NALCN: variants seen among roughly 807,000 people sequenced by gnomAD.
NALCN encodes the protein sodium leak channel, non-selective.
In NALCN, 111 loss-of-function variants were observed where a neutral mutation model predicts 225.3. That is an observed-to-expected ratio of 0.49 (90% CI 0.42 to 0.58). The LOEUF (loss-of-function observed/expected upper bound fraction) is 0.58. NALCN is among the 20% of genes least tolerant of loss of function. The pLI is 0.00. For synonymous variants in NALCN, 764 were observed against 769.0 expected (o/e 0.99, Z 0.11); for missense variants, 1,378 against 2,202.4 (o/e 0.63, Z 7.49).
chr13:101,174,081 G>T (rs2139928745), intron 15 of NALCN, among the ~76,000 whole-genome samples: 1 of 152,182 alleles, frequency 6.6e-6, no homozygotes, highest in African/African-American at 2.4e-5. Context: ...ATGAGAGAAA[G>T]TTAACCAGGA....
At chr13:101,196,933 A>C (rs1566417003) in intron 13 of NALCN, among the ~76,000 whole-genome samples, 1 of 152,070 alleles carries the variant, frequency 6.6e-6, no homozygotes, top group East Asian at 1.9e-4. Flanking sequence ...GTACTCTTGA[A>C]GCTTCTGTTT....
intron 22 of NALCN, 111 bp downstream of exon 22, chr13:101,107,376 G>C: frequency 6.4e-7 from 1 of 1,550,388 alleles, no homozygotes; most frequent in Non-Finnish European, 8.8e-7. Flanking sequence ...TTAGTCCGCA[G>C]TTTATTTTGT....
At chr13:101,394,855 G>A (rs1300807078) in intron 3 of NALCN, among the ~76,000 whole-genome samples, 3 of 152,110 alleles carry the variant, frequency 2.0e-5, no homozygotes, top group African/African-American at 7.2e-5. Flanking sequence ...GTGCTTCTCT[G>A]GGCCAGCCCC....
At chr13:101,119,832 T>C (rs930824915) in intron 18 of NALCN, among the ~76,000 whole-genome samples, 2 of 152,236 alleles carry the variant, frequency 1.3e-5, no homozygotes, top group African/African-American at 4.8e-5. Flanking sequence ...CGGATAACTC[T>C]TAAAAAACAA....
intron 13 of NALCN, among the ~76,000 whole-genome samples, chr13:101,209,576 C>A (rs1345168561): frequency 6.6e-6 from 1 of 152,174 alleles, no homozygotes; most frequent in South Asian, 2.1e-4. Flanking sequence ...ACATTATATT[C>A]TGTTAGAACA....
intron 10 of NALCN, among the ~76,000 whole-genome samples, chr13:101,271,078 G>A (rs2042761058): frequency 6.6e-6 from 1 of 152,174 alleles, no homozygotes; most frequent in Non-Finnish European, 1.5e-5. Flanking sequence ...CAGGAATTTA[G>A]TTTGAGATAA....
At chr13:101,403,552 A>G (rs1391012620) in intron 1 of NALCN, among the ~76,000 whole-genome samples, 2 of 152,238 alleles carry the variant, frequency 1.3e-5, no homozygotes, top group Non-Finnish European at 2.9e-5. Context: ...ATATTTGGGA[A>G]TAAAGATGTG....
intron 3 of NALCN, among the ~76,000 whole-genome samples, chr13:101,382,228 C>T (rs978986927): frequency 5.5e-5 from 8 of 145,288 alleles, no homozygotes; most frequent in Admixed American, 2.2e-4. Flanking sequence ...GAGAGTTCAC[C>T]ATTACAATGA....
intron 15 of NALCN, among the ~76,000 whole-genome samples, chr13:101,154,621 TCTGTGGCC>T (rs2037814982): frequency 6.6e-6 from 1 of 152,208 alleles, no homozygotes; most frequent in Middle Eastern, 3.2e-3. Flanking sequence ...GGCACAACTC[TCTGTGGCC>T]CTGTGGCCTC....
At chr13:101,308,544 C>T (rs1444437929) in intron 7 of NALCN, among the ~76,000 whole-genome samples, 2 of 152,184 alleles carry the variant, frequency 1.3e-5, no homozygotes, top group African/African-American at 4.8e-5. Flanking sequence ...AAGAAATCAA[C>T]TTGTGTCTTG....
intron 34 of NALCN, among the ~76,000 whole-genome samples, chr13:101,080,612 A>C (rs2033571826): frequency 7.9e-6 from 1 of 126,856 alleles, no homozygotes; most frequent in Non-Finnish European, 1.8e-5. Flanking sequence ...TAATTATATA[A>C]TCAATTAAAT....
chr13:101,335,957 A>C (rs1338413516), intron 7 of NALCN, among the ~76,000 whole-genome samples: 2 of 152,152 alleles, frequency 1.3e-5, no homozygotes, highest in Non-Finnish European at 2.9e-5. Flanking sequence ...AACAAAATTC[A>C]ATTTACATCC....
chr13:101,228,128 T>A (rs1169549390), intron 13 of NALCN, among the ~76,000 whole-genome samples: 1 of 152,020 alleles, frequency 6.6e-6, no homozygotes, highest in Non-Finnish European at 1.5e-5. Flanking sequence ...ATTACCTAAA[T>A]GACCAGATGC....
At chr13:101,229,309 C>G in intron 13 of NALCN, 84 bp downstream of exon 13, 1 of 1,233,114 alleles carries the variant, frequency 8.1e-7, no homozygotes. Context: ...TTCTGAATGA[C>G]TAAAGTGAAA....
At chr13:101,337,203 T>A (rs982119382) in intron 7 of NALCN, among the ~76,000 whole-genome samples, 1 of 152,158 alleles carries the variant, frequency 6.6e-6, no homozygotes, top group Non-Finnish European at 1.5e-5. Flanking sequence ...GGGACTAGAC[T>A]TAAAGCCAGA....
chr13:101,178,214 G>A (rs2039041932), intron 14 of NALCN, among the ~76,000 whole-genome samples: 1 of 152,116 alleles, frequency 6.6e-6, no homozygotes, highest in Non-Finnish European at 1.5e-5. Context: ...ATTCTGAGAT[G>A]TTCACCTGCT....
chr13:101,164,843 T>C (rs1204685867), intron 15 of NALCN, among the ~76,000 whole-genome samples: 1 of 152,224 alleles, frequency 6.6e-6, no homozygotes, highest in Non-Finnish European at 1.5e-5. Flanking sequence ...GCTGATCTTT[T>C]GAGATTTACA....
intron 9 of NALCN, among the ~76,000 whole-genome samples, chr13:101,291,629 C>T (rs1362524130): frequency 6.6e-6 from 1 of 152,120 alleles, no homozygotes; most frequent in Non-Finnish European, 1.5e-5. Flanking sequence ...CTCACTGTAC[C>T]TTTGACCTCC....
intron 41 of NALCN, among the ~76,000 whole-genome samples, chr13:101,061,626 C>T: frequency 6.6e-6 from 1 of 152,158 alleles, no homozygotes; most frequent in East Asian, 1.9e-4. Flanking sequence ...GTGAGTTGAG[C>T]TCCCCCCTTG....
Sources: gnomAD v4.1 joint callset for allele counts (sites outside exome capture counted in the v4.1 genomes callset) on GRCh38, gnomAD v4.1.1 for gene constraint, MANE v1.5 for transcripts, NCBI Gene and HGNC (gene_info 2026-07-23, HGNC 2026-07-21) for gene names.